Variants in CDC27 observed in about 807,000 individuals in gnomAD.
CDC27 encodes the protein cell division cycle protein 27 homolog.
In CDC27, 27 loss-of-function variants were observed where a neutral mutation model predicts 109.7. The ratio of observed to expected loss-of-function variants is 0.25; its 90% confidence interval spans 0.18 to 0.34. CDC27 has a LOEUF of 0.34. CDC27 is among the 10% of genes least tolerant of loss of function. The probability of loss-of-function intolerance (pLI) is 1.00; values close to 1 mark genes in which losing one functional copy is unlikely to be tolerated. For synonymous variants in CDC27, 266 were observed against 333.9 expected (o/e 0.80, Z 2.22); for missense variants, 579 against 960.2 (o/e 0.60, Z 5.25).
intron 1 of CDC27, among the ~76,000 whole-genome samples, chr17:47,185,303 T>C (rs1005971547): frequency 2.6e-5 from 4 of 151,906 alleles, no homozygotes; most frequent in Non-Finnish European, 5.9e-5. Flanking sequence ...CTCAGCCTCC[T>C]GAGTAGCTGG....
intron 16 of CDC27, among the ~76,000 whole-genome samples, chr17:47,125,235 CTTTTTTTTTTTTT>C (rs58631604): frequency 2.1e-4 from 10 of 48,020 alleles, no homozygotes; most frequent in East Asian, 7.8e-4. Context: ...TTAAAGAAAT[CTTTTTTTTTTTTT>C]TTTTTTTTTT....
At chr17:47,159,632 G>A (rs552456274) in intron 4 of CDC27, 3 of 460,080 alleles carry the variant, frequency 6.5e-6, no homozygotes, top group East Asian at 9.3e-5. Context: ...GATGGCAGTG[G>A]CCACCTCCTT....
chr17:47,147,413 AAACAAACAAACAAAC>A (rs1194627602), intron 9 of CDC27, among the ~76,000 whole-genome samples: 2 of 105,218 alleles, frequency 1.9e-5, no homozygotes, highest in African/African-American at 6.8e-5. Flanking sequence ...ACAAACAAAC[AAACAAACAAACAAAC>A]AAAAAAAAAA....
intron 15 of CDC27, among the ~76,000 whole-genome samples, chr17:47,130,446 A>G (rs1390998487): frequency 6.6e-6 from 1 of 152,238 alleles, no homozygotes; most frequent in Non-Finnish European, 1.5e-5. Flanking sequence ...GATCTCTAAT[A>G]CTGGGAAGCA....
chr17:47,127,183 A>G (rs187462446), intron 16 of CDC27, among the ~76,000 whole-genome samples: 2 of 152,284 alleles, frequency 1.3e-5, no homozygotes, highest in Non-Finnish European at 2.9e-5. Context: ...CAAGGAATTC[A>G]GCCTAGGAAT....
intron 4 of CDC27, among the ~76,000 whole-genome samples, chr17:47,158,866 T>C (rs1660660418): frequency 6.6e-6 from 1 of 152,050 alleles, no homozygotes; most frequent in African/African-American, 2.4e-5. Context: ...GTGATTTACC[T>C]GTCTTGGCCT....
intron 4 of CDC27, among the ~76,000 whole-genome samples, chr17:47,163,900 A>C (rs2047153548): frequency 1.3e-5 from 2 of 152,144 alleles, no homozygotes; most frequent in African/African-American, 4.8e-5. Flanking sequence ...CAGTAGCTGG[A>C]TTACAGGCTC....
intron 2 of CDC27, 37 bp downstream of exon 2, chr17:47,181,525 T>C: frequency 3.6e-6 from 4 of 1,124,064 alleles, no homozygotes; most frequent in Non-Finnish European, 5.4e-6. Context: ...TATATGTTAT[T>C]CATTTATCAT....
intron 2 of CDC27, among the ~76,000 whole-genome samples, chr17:47,180,479 G>A (rs78095535): frequency 3.9e-4 from 59 of 152,088 alleles, no homozygotes; most frequent in Non-Finnish European, 6.8e-4. Flanking sequence ...TCCAAGCATT[G>A]CTCTTTGTCC....
At chr17:47,138,972 T>C (rs2148855739) in intron 12 of CDC27, 81 bp from the exon 13 acceptor site, 1 of 909,448 alleles carries the variant, frequency 1.1e-6, no homozygotes, top group East Asian at 2.5e-5. Context: ...GTCATTATCT[T>C]CACAGGATCT....
rs1341341665 is a variant in CDC27, at chr17:47,157,048, T to G, written c.707A>C (p.Asp236Ala). The G allele has an allele frequency of 6.3e-7, 1 of 1,590,262 alleles. No individual in the cohort carries two copies. Among genetic ancestry groups the G allele is most frequent in the African/African-American group, 1.3e-5 (1 of 74,410 alleles). ...AGTATCAGGTGAAATTACAGCTGAATCAATATAAGACACTGAGGAATCTGT... is the reference window on the plus strand; with the variant it reads ...AGTATCAGGTGAAATTACAGCTGAAGCAATATAAGACACTGAGGAATCTGT... The part of the protein sequence containing the change: ...LNTDSSVSYI[D>A]SAVISPDTVP... Residue 236 changes from aspartate (D) to alanine (A), a missense_variant, in exon 7 of 19, where the codon GAT becomes GCT. Transcript: ENST00000066544.
At chr17:47,174,482 C>T (rs915826406) in intron 2 of CDC27, among the ~76,000 whole-genome samples, 1 of 152,146 alleles carries the variant, frequency 6.6e-6, no homozygotes, top group African/African-American at 2.4e-5. Context: ...TATTTACAGA[C>T]TTAATTAAAA....
chr17:47,183,274 C>G (rs2064310830), intron 1 of CDC27, among the ~76,000 whole-genome samples: 1 of 152,132 alleles, frequency 6.6e-6, no homozygotes, highest in South Asian at 2.1e-4. Context: ...TTACTGATCA[C>G]TAGCTAACAT....
chr17:47,163,405 T>C (rs1298747566), intron 4 of CDC27, among the ~76,000 whole-genome samples: 1 of 152,126 alleles, frequency 6.6e-6, no homozygotes, highest in Non-Finnish European at 1.5e-5. Flanking sequence ...TGATGATGAA[T>C]AAAAATAACC....
intron 18 of CDC27, 26 bp downstream of exon 18, chr17:47,122,418 C>A: frequency 6.8e-7 from 1 of 1,461,154 alleles, no homozygotes; most frequent in South Asian, 1.4e-5. Flanking sequence ...TTTCTAAATA[C>A]TCAAAATCAT....
At chr17:47,151,516 T>A (rs1233383539) in intron 9 of CDC27, among the ~76,000 whole-genome samples, 2 of 152,292 alleles carry the variant, frequency 1.3e-5, no homozygotes, top group East Asian at 1.9e-4. Flanking sequence ...ATGAAACCTA[T>A]CTGTACCTAA....
chr17:47,170,433 T>G (rs1445386668), intron 3 of CDC27: 3 of 152,930 alleles, frequency 2.0e-5, no homozygotes, highest in Non-Finnish European at 2.9e-5. Context: ...CCTGGGCTCA[T>G]GCAATCCTCT....
At chr17:47,142,773 G>A (rs1350299971) in intron 10 of CDC27, among the ~76,000 whole-genome samples, 1 of 152,108 alleles carries the variant, frequency 6.6e-6, no homozygotes, top group Non-Finnish European at 1.5e-5. Context: ...CTGCCTCCCG[G>A]GTTCAAGCGA....
intron 14 of CDC27, among the ~76,000 whole-genome samples, chr17:47,133,024 TATATACACACAC>T (rs1568374155): frequency 4.2e-5 from 2 of 47,496 alleles, no homozygotes; most frequent in South Asian, 1.2e-3. Flanking sequence ...TATATATATA[TATATACACACAC>T]ACACACACAC....
Sources: gnomAD v4.1 joint callset for allele counts (sites outside exome capture counted in the v4.1 genomes callset) on GRCh38, gnomAD v4.1.1 for gene constraint, MANE v1.5 for transcripts, NCBI Gene and HGNC (gene_info 2026-07-23, HGNC 2026-07-21) for gene names.